The following SPATA16 variants were observed in gnomAD, a reference collection of about 807,000 sequenced individuals.
The protein encoded by SPATA16 is spermatogenesis-associated protein 16.
In SPATA16, 36 loss-of-function variants were observed where a neutral mutation model predicts 63.3. The observed-to-expected ratio is 0.57, with a 90% CI of 0.44 to 0.75. The LOEUF is 0.75. Ranked by LOEUF, SPATA16 falls within the 30% of genes least tolerant of loss-of-function variation. SPATA16 has a pLI of 0.00. For missense variants in SPATA16, 646 were observed against 679.3 expected, an observed-to-expected ratio of 0.95 and a Z score of 0.54; for synonymous variants, 203 against 216.7, an observed-to-expected ratio of 0.94 and a Z score of 0.56.
At chr3:173,051,584 G>A (rs1008233107) in intron 2 of SPATA16, among the ~76,000 whole-genome samples, 5 of 152,058 alleles carry the variant, frequency 3.3e-5, no homozygotes, top group East Asian at 1.9e-4. Flanking sequence ...TAATCTGCTC[G>A]CCTCAGTCTC....
chr3:173,015,636 C>G (rs1418520086), intron 4 of SPATA16, among the ~76,000 whole-genome samples: 1 of 152,118 alleles, frequency 6.6e-6, no homozygotes, highest in Non-Finnish European at 1.5e-5. Context: ...TGGTTATCAA[C>G]CACATAGTAC....
chr3:173,057,080 C>T (rs1465884302), intron 2 of SPATA16, among the ~76,000 whole-genome samples: 1 of 150,960 alleles, frequency 6.6e-6, no homozygotes, highest in African/African-American at 2.4e-5. Context: ...TTATTGGTAC[C>T]ATTTCAACTA....
intron 3 of SPATA16, among the ~76,000 whole-genome samples, chr3:173,028,017 TC>T (rs1577138729): frequency 1.3e-4 from 3 of 22,706 alleles, no homozygotes; most frequent in Non-Finnish European, 2.3e-4. Context: ...CTCCCTCCCT[TC>T]CTTCTTTCCT....
rs182257270 is a variant in SPATA16 at position 172,970,247 on chromosome 3, C to A, written c.933+6721G>T. The stretch of plus-strand genomic sequence containing the variant: ...GCTTCCTTTCCTTGACAGAATTAAG[C>A]ACAGATGTCCATTGTCTTCGAAAGG... On this transcript the variant is annotated intron_variant, in intron 5 of 10. Coordinates refer to ENST00000351008, the MANE Select transcript of SPATA16 (RefSeq NM_031955.6). 3.6e-3 allele frequency among the ~76,000 whole-genome samples: 551 copies of A among 152,240 alleles called. 3 individuals carry two copies. The highest frequency in any genetic ancestry group is 0.013 in the African/African-American group (538 of 41,558).
At chr3:172,934,666 T>G (rs1370734795) in intron 6 of SPATA16, among the ~76,000 whole-genome samples, 2 of 152,076 alleles carry the variant, frequency 1.3e-5, no homozygotes, top group Non-Finnish European at 2.9e-5. Context: ...ATGTACAAAA[T>G]TATTATTACT....
chr3:173,131,194 C>G lies in SPATA16; in HGVS notation c.-19+9909G>C, dbSNP rs112739688. Among the ~76,000 whole-genome samples the G allele has an allele frequency of 5.9e-3, 900 of 152,178 alleles. 11 individuals carry two copies. Among genetic ancestry groups the G allele is most frequent in the African/African-American group, 0.021 (856 of 41,512 alleles). On this transcript the variant is annotated intron_variant, in intron 1 of 10. Coordinates refer to ENST00000351008, the MANE Select transcript of SPATA16 (RefSeq NM_031955.6). ...TTTGTGCAAAACTTTAAAACAAAGA[C>G]ATAGTTTAAAATTTACTATTTTAAC... is the stretch of plus-strand genomic sequence containing the variant.
At chr3:173,054,410 TA>T in intron 2 of SPATA16, among the ~76,000 whole-genome samples, 1 of 152,096 alleles carries the variant, frequency 6.6e-6, no homozygotes, top group South Asian at 2.1e-4. Flanking sequence ...ATAGACTGGA[TA>T]AAGAAAATGT....
chr3:173,132,554 TG>T (rs748158519), intron 1 of SPATA16, among the ~76,000 whole-genome samples: 17 of 152,154 alleles, frequency 1.1e-4, no homozygotes, highest in East Asian at 7.7e-4. Context: ...TTAAAAAGAA[TG>T]GCAACAATGA....
chr3:173,103,398 G>A (rs777144841), intron 2 of SPATA16, among the ~76,000 whole-genome samples: 2 of 152,212 alleles, frequency 1.3e-5, no homozygotes, highest in South Asian at 2.1e-4. Context: ...ACTTCTGCCT[G>A]GACACCCAGG....
At chr3:172,966,292 G>T (rs751701252) in intron 5 of SPATA16, among the ~76,000 whole-genome samples, 13 of 152,270 alleles carry the variant, frequency 8.5e-5, no homozygotes, top group Middle Eastern at 3.4e-3. Context: ...TTATATGAAC[G>T]TTACAGCAGG....
At chr3:172,922,371 AAT>A (rs1732631809) in intron 8 of SPATA16, among the ~76,000 whole-genome samples, 1 of 152,198 alleles carries the variant, frequency 6.6e-6, no homozygotes, top group African/African-American at 2.4e-5. Context: ...CTGAGTTATT[AAT>A]TAGATGTTAA....
chr3:172,944,401 C>T lies in SPATA16; in HGVS notation c.1081+12276G>A, dbSNP rs562836507. On this transcript the variant is annotated intron_variant, in intron 6 of 10. Transcript: ENST00000351008. ...ATGGGGAAATTGGAACACTCGTGCA[C>T]TTCTGGTGAGAATGTGAAATGGTGT... Among the ~76,000 whole-genome samples the T allele has an allele frequency of 1.6e-4, 25 of 152,318 alleles. No individual in the cohort carries two copies. The South Asian group carries it at 4.8e-3, about 29-fold the overall frequency.
chr3:172,959,184 A>G (rs952011093), intron 5 of SPATA16, among the ~76,000 whole-genome samples: 2 of 152,174 alleles, frequency 1.3e-5, no homozygotes, highest in Non-Finnish European at 2.9e-5. Context: ...TCTCCACCCC[A>G]TTTCTTTTCC....
chr3:173,024,835 T>C (rs987218971), intron 3 of SPATA16, among the ~76,000 whole-genome samples: 1 of 150,750 alleles, frequency 6.6e-6, no homozygotes, highest in East Asian at 2.0e-4. Context: ...TTTTTATTAT[T>C]TCTCTTATTC....
intron 6 of SPATA16, among the ~76,000 whole-genome samples, chr3:172,942,374 A>G (rs944748406): frequency 6.6e-6 from 1 of 152,212 alleles, no homozygotes; most frequent in African/African-American, 2.4e-5. Flanking sequence ...GATGTGAAAA[A>G]GAAATACTAG....
intron 4 of SPATA16, among the ~76,000 whole-genome samples, chr3:173,013,680 G>A (rs1735120932): frequency 1.3e-5 from 2 of 152,164 alleles, no homozygotes; most frequent in Non-Finnish European, 2.9e-5. Flanking sequence ...GTTTGCCTAG[G>A]CACGGGCTTA....
At chr3:173,070,440 A>C in intron 2 of SPATA16, among the ~76,000 whole-genome samples, 1 of 152,086 alleles carries the variant, frequency 6.6e-6, no homozygotes, top group African/African-American at 2.4e-5. Flanking sequence ...ACTTTTATTC[A>C]ACATAGTACT....
rs1417993086 is a variant in SPATA16, at chr3:173,117,559, A to T, written c.173T>A (p.Ile58Asn). 6.2e-7 allele frequency: 1 copy of T among 1,613,712 alleles called. No homozygotes were observed. The highest frequency in any genetic ancestry group is 2.2e-5 in the East Asian group (1 of 44,876). Residue 58 changes from isoleucine to asparagine, a missense_variant, in exon 2 of 11, where the codon ATC becomes AAC. Ile to Asn is a moderately radical substitution (Grantham distance 149). Coordinates refer to ENST00000351008, the MANE Select transcript of SPATA16 (RefSeq NM_031955.6). The part of the protein sequence containing the change: ...KKNCGGKQVE[I>N]TLERTKMTKG... Reference sequence around the variant, plus strand: ...TGTCATTTTTGTTCTTTCAAGTGTGATTTCTACCTGTTTACCTCCACAGTT... The same window carrying T: ...TGTCATTTTTGTTCTTTCAAGTGTGTTTTCTACCTGTTTACCTCCACAGTT...
At chr3:173,073,656 G>C (rs1435010918) in intron 2 of SPATA16, among the ~76,000 whole-genome samples, 3 of 152,254 alleles carry the variant, frequency 2.0e-5, no homozygotes, top group Non-Finnish European at 4.4e-5. Context: ...CCAGGCAGAA[G>C]TTTGATGCAG....
Sources: gnomAD v4.1 joint callset for allele counts (sites outside exome capture counted in the v4.1 genomes callset) on GRCh38, gnomAD v4.1.1 for gene constraint, MANE v1.5 for transcripts, NCBI Gene and HGNC (gene_info 2026-07-23, HGNC 2026-07-21) for gene names.